Variants in FRMD4A observed in about 807,000 individuals in gnomAD.
FRMD4A encodes FERM domain-containing protein 4A.
Under a neutral mutation model 129.1 loss-of-function variants are expected in FRMD4A, and 29 were observed. The ratio of observed to expected loss-of-function variants is 0.22; its 90% confidence interval spans 0.17 to 0.31. The LOEUF is 0.31. FRMD4A is among the 10% of genes least tolerant of loss of function. The pLI, the probability that FRMD4A is intolerant of heterozygous loss-of-function variation, is 1.00. For missense variants in FRMD4A, 1,272 were observed against 1,375.8 expected (o/e 0.92, Z 1.19); for synonymous variants, 634 against 571.6 (o/e 1.11, Z -1.56).
At chr10:13,944,748 T>C (rs1565088157) in intron 2 of FRMD4A, among the ~76,000 whole-genome samples, 1 of 152,230 alleles carries the variant, frequency 6.6e-6, no homozygotes, top group Non-Finnish European at 1.5e-5. Context: ...GACTTATCAT[T>C]CTGAAAGTTC....
At chr10:14,226,382 T>A (rs1843437140) in intron 2 of FRMD4A, among the ~76,000 whole-genome samples, 1 of 152,202 alleles carries the variant, frequency 6.6e-6, no homozygotes, top group Non-Finnish European at 1.5e-5. Flanking sequence ...ATGTTAAAAA[T>A]TGTGTTATCA....
At chr10:13,884,235 C>CACACAT (rs2094592399) in intron 2 of FRMD4A, among the ~76,000 whole-genome samples, 2 of 150,080 alleles carry the variant, frequency 1.3e-5, no homozygotes, top group Admixed American at 6.6e-5. Flanking sequence ...CACACACACA[C>CACACAT]ACACACTCCC....
chr10:13,729,874 G>A (rs1444243602), intron 12 of FRMD4A, among the ~76,000 whole-genome samples: 1 of 152,210 alleles, frequency 6.6e-6, no homozygotes, highest in African/African-American at 2.4e-5. Context: ...AATCTGGGCT[G>A]CATTTCTAAG....
chr10:14,062,440 G>C (rs1834858814), intron 2 of FRMD4A, among the ~76,000 whole-genome samples: 1 of 152,170 alleles, frequency 6.6e-6, no homozygotes, highest in African/African-American at 2.4e-5. Flanking sequence ...ATAGTCAGGG[G>C]CTTTGTGGCC....
chr10:13,984,624 A>G (rs2095574471), intron 2 of FRMD4A, among the ~76,000 whole-genome samples: 1 of 152,078 alleles, frequency 6.6e-6, no homozygotes. Context: ...AAGAGGAAAC[A>G]TATTATTTGT....
chr10:14,328,373 G>GTC (rs888375819), intron 2 of FRMD4A, among the ~76,000 whole-genome samples: 1 of 121,992 alleles, frequency 8.2e-6, no homozygotes, highest in Non-Finnish European at 1.7e-5. Context: ...TGTGGGTGGG[G>GTC]GGGGGGGGTG....
At chr10:13,863,284 C>G (rs1244074264) in intron 2 of FRMD4A, among the ~76,000 whole-genome samples, 1 of 152,182 alleles carries the variant, frequency 6.6e-6, no homozygotes, top group African/African-American at 2.4e-5. Flanking sequence ...AGCAGACTAT[C>G]ACTGATATGT....
At chr10:13,681,797 C>T (rs979591231) in intron 15 of FRMD4A, among the ~76,000 whole-genome samples, 2 of 152,044 alleles carry the variant, frequency 1.3e-5, no homozygotes, top group Non-Finnish European at 2.9e-5. Flanking sequence ...TCTGTTTCCT[C>T]CCCTGTAAAA....
chr10:14,011,049 G>A (rs1016194391), intron 2 of FRMD4A, among the ~76,000 whole-genome samples: 3 of 152,126 alleles, frequency 2.0e-5, no homozygotes, highest in Non-Finnish European at 4.4e-5. Flanking sequence ...TAGTAAGTTG[G>A]CCAAGGCAGC....
intron 2 of FRMD4A, among the ~76,000 whole-genome samples, chr10:14,032,423 C>T (rs1833288794): frequency 6.6e-6 from 1 of 152,178 alleles, no homozygotes; most frequent in African/African-American, 2.4e-5. Flanking sequence ...TAGTGAAGCG[C>T]TTTTCCTGAA....
chr10:14,220,518 T>C (rs187533793), intron 2 of FRMD4A, among the ~76,000 whole-genome samples: 3 of 152,366 alleles, frequency 2.0e-5, no homozygotes, highest in Non-Finnish European at 2.9e-5. Flanking sequence ...AGGCCAATAA[T>C]TGAATTTTTT....
At position 14,000,667 on chromosome 10, in the gene FRMD4A, A is replaced by AAAAAAG. The variant is rs200369296; in HGVS notation, c.46-141756_46-141755insCTTTTT. ...ACCTCAAAAAAAAAAAAAAAAAAAA[A>AAAAAAG]AGAGAAGAAAGCTATGTCCCCTTTC... On this transcript the variant is annotated intron_variant, in intron 2 of 24. Transcript: ENST00000357447. 2.1e-4 allele frequency among the ~76,000 whole-genome samples: 22 copies of AAAAAAG among 106,922 alleles called. 3 individuals are homozygous for AAAAAAG. Among genetic ancestry groups the AAAAAAG allele is most frequent in the South Asian group, 4.5e-4 (1 of 2,244 alleles). 70.1% of individuals were successfully genotyped at this position (106,922 alleles called of 152,430 possible). A position where few individuals can be genotyped will look rare whatever the true frequency, so the allele number is the denominator to read the frequency against.
chr10:13,782,865 A>C, intron 6 of FRMD4A, 57 bp downstream of exon 6: 3 of 829,942 alleles, frequency 3.6e-6, no homozygotes, highest in Non-Finnish European at 4.3e-6. Context: ...TGGAATTTCC[A>C]GCTTCAAATG....
At chr10:14,192,222 C>T (rs1285042593) in intron 2 of FRMD4A, among the ~76,000 whole-genome samples, 1 of 152,140 alleles carries the variant, frequency 6.6e-6, no homozygotes. Context: ...TCTAATTCTC[C>T]ACTTTTTTCT....
At chr10:14,316,508 CA>C (rs760301974) in intron 2 of FRMD4A, among the ~76,000 whole-genome samples, 1,294 of 109,892 alleles carry the variant, frequency 0.012, 17 homozygotes, top group African/African-American at 0.038. Flanking sequence ...GTGATAGCAG[CA>C]AAAAAAAAAA....
At chr10:14,129,697 T>C (rs939571515) in intron 2 of FRMD4A, among the ~76,000 whole-genome samples, 1 of 152,104 alleles carries the variant, frequency 6.6e-6, no homozygotes, top group Non-Finnish European at 1.5e-5. Flanking sequence ...CTGTGTGCTA[T>C]TTTGCTGGGT....
chr10:14,149,881 G>C (rs1840256942), intron 2 of FRMD4A, among the ~76,000 whole-genome samples: 2 of 152,130 alleles, frequency 1.3e-5, no homozygotes, highest in Admixed American at 6.5e-5. Context: ...TTGCTATAAA[G>C]AGCTACCTGA....
chr10:13,890,405 C>G (rs1306353710), intron 2 of FRMD4A: 1 of 379,064 alleles, frequency 2.6e-6, no homozygotes, highest in Non-Finnish European at 3.6e-6. Flanking sequence ...AGGATGAAGT[C>G]AGCAGTTTGT....
intron 2 of FRMD4A, among the ~76,000 whole-genome samples, chr10:14,098,459 A>G (rs1246645348): frequency 6.6e-6 from 1 of 151,204 alleles, no homozygotes; most frequent in East Asian, 1.9e-4. Context: ...GCTGGAGTGC[A>G]CTGGCACGAT....
Sources: gnomAD v4.1 joint callset for allele counts (sites outside exome capture counted in the v4.1 genomes callset) on GRCh38, gnomAD v4.1.1 for gene constraint, MANE v1.5 for transcripts, NCBI Gene and HGNC (gene_info 2026-07-23, HGNC 2026-07-21) for gene names.